The following RAMP3 variants were observed in gnomAD, a reference collection of about 807,000 sequenced individuals.
The protein encoded by RAMP3 is receptor activity-modifying protein 3.
RAMP3 carries 14 observed loss-of-function variants against 13.5 expected under a neutral mutation model. That is an observed-to-expected ratio of 1.04 (90% CI 0.69 to 1.63). The LOEUF is 1.63. Among genes scored for constraint, RAMP3 ranks in the 40% most tolerant of loss-of-function variants. The pLI is 0.00. For missense variants in RAMP3, 200 were observed against 204.8 expected (o/e 0.98, Z 0.14); for synonymous variants, 106 against 88.3 (o/e 1.20, Z -1.12).
chr7:45,158,146 C>T (rs897501482), intron 1 of RAMP3, among the ~76,000 whole-genome samples: 1 of 152,200 alleles, frequency 6.6e-6, no homozygotes, highest in Non-Finnish European at 1.5e-5. Context: ...TCCGGCAGCC[C>T]CCGGTCCTTC....
At position 45,163,750 on chromosome 7, in the gene RAMP3, C is replaced by A. The variant is rs149529288; in HGVS notation, c.58+5864C>A. On this transcript the variant is annotated intron_variant, in intron 1 of 2. Coordinates refer to ENST00000242249, the MANE Select transcript of RAMP3 (RefSeq NM_005856.3). The stretch of plus-strand genomic sequence containing the variant: ...AAGGGCCCTGCTTGGAGTCACACAG[C>A]AAATCAGGAACTAAACAGGATGAGG... The A allele has an allele frequency of 5.6e-4, 552 of 985,018 alleles. 2 individuals are homozygous for A. In the African/African-American group the frequency reaches 9.1e-3, roughly 16 times the overall value. 61.0% of individuals were successfully genotyped at this position (985,018 alleles called of 1,614,324 possible).
intron 1 of RAMP3, chr7:45,163,255 T>C: frequency 1.0e-6 from 1 of 985,408 alleles, no homozygotes; most frequent in Non-Finnish European, 1.2e-6. Flanking sequence ...CCAGAGGAAC[T>C]AGGGATAGAG....
rs1233618465 is a variant in RAMP3 at position 45,183,261 on chromosome 7, A to G, written c.296A>G (p.Gln99Arg). 4.3e-6 allele frequency: 7 copies of G among 1,613,870 alleles called. No individual in the cohort carries two copies. In the African/African-American group the frequency reaches 9.3e-5, roughly 22 times the overall value. ...AQGFITGIHR[Q>R]FFSNCTVDRV... ...GGCTTCATCACCGGCATCCACAGGC[A>G]GTTCTTCTCCAACTGCACCGTGGAC... Residue 99 changes from glutamine to arginine, a missense_variant, in exon 3 of 3, where the codon CAG becomes CGG. Physicochemically the swap from Gln to Arg is conservative, Grantham distance 43. Coordinates refer to ENST00000242249, the MANE Select transcript of RAMP3 (RefSeq NM_005856.3).
At chr7:45,158,271 T>C (rs56751462) in intron 1 of RAMP3, among the ~76,000 whole-genome samples, 1,664 of 152,222 alleles carry the variant, frequency 0.011, 39 homozygotes, top group African/African-American at 0.038. Flanking sequence ...GTCTGTAAGG[T>C]AGTGAGCTCT....
chr7:45,168,591 AT>A (rs1446494997), intron 1 of RAMP3, among the ~76,000 whole-genome samples: 4 of 148,088 alleles, frequency 2.7e-5, no homozygotes, highest in Middle Eastern at 3.4e-3. Context: ...AATACAACTT[AT>A]TTTTTTGTGT....
chr7:45,169,228 T>G (rs1180170044), intron 1 of RAMP3, among the ~76,000 whole-genome samples: 1 of 152,218 alleles, frequency 6.6e-6, no homozygotes, highest in Non-Finnish European at 1.5e-5. Context: ...GCCTATAGAT[T>G]TCTTTTCTTA....
intron 1 of RAMP3, among the ~76,000 whole-genome samples, chr7:45,167,577 T>G (rs2128656178): frequency 6.6e-6 from 1 of 151,868 alleles, no homozygotes; most frequent in East Asian, 1.9e-4. Flanking sequence ...TTTTTTTTAT[T>G]TTTGAGACGG....
intron 1 of RAMP3, among the ~76,000 whole-genome samples, chr7:45,166,726 T>G (rs765959262): frequency 1.2e-4 from 18 of 152,160 alleles, no homozygotes; most frequent in Non-Finnish European, 1.6e-4. Flanking sequence ...ATAAGAAGGC[T>G]TTTTCTCACA....
intron 1 of RAMP3, among the ~76,000 whole-genome samples, chr7:45,174,301 C>T (rs1786137286): frequency 6.6e-6 from 1 of 152,152 alleles, no homozygotes. Context: ...TGACAGGGGC[C>T]TAAGGGCCAG....
At chr7:45,178,585 A>G (rs1786240224) in intron 2 of RAMP3, among the ~76,000 whole-genome samples, 2 of 152,174 alleles carry the variant, frequency 1.3e-5, no homozygotes, top group Admixed American at 1.3e-4. Context: ...TGCTGAACCA[A>G]GTGGAATGGA....
At chr7:45,163,399 C>T (rs529426098) in intron 1 of RAMP3, 175 of 985,320 alleles carry the variant, frequency 1.8e-4, no homozygotes, top group Non-Finnish European at 2.0e-4. Context: ...TAGAGCTGTG[C>T]TACAAGAGAA....
At chr7:45,164,813 C>T (rs181998495) in intron 1 of RAMP3, among the ~76,000 whole-genome samples, 6 of 152,010 alleles carry the variant, frequency 3.9e-5, no homozygotes, top group African/African-American at 1.2e-4. Context: ...GTGTCTTTTC[C>T]CACTCTTTTA....
At chr7:45,181,799 G>A (rs1786320878) in intron 2 of RAMP3, among the ~76,000 whole-genome samples, 1 of 152,204 alleles carries the variant, frequency 6.6e-6, no homozygotes, top group Non-Finnish European at 1.5e-5. Flanking sequence ...TTGTGGCTGA[G>A]GCCCAGGAGA....
At chr7:45,162,310 A>G (rs570874466) in intron 1 of RAMP3, among the ~76,000 whole-genome samples, 10 of 152,370 alleles carry the variant, frequency 6.6e-5, no homozygotes, top group African/African-American at 2.2e-4. Flanking sequence ...TGCAGAGCCC[A>G]GGCTTGACAT....
At position 45,184,050 on chromosome 7, in the gene RAMP3, G is replaced by T; in HGVS notation, c.*638G>T. The T allele has an allele frequency of 2.5e-6, 1 of 404,442 alleles. No homozygotes were observed. The allele number at this position is 404,442 out of a possible 1,614,324, so 25.1% of individuals were successfully genotyped here. A position where few individuals can be genotyped will look rare whatever the true frequency, so the allele number is the denominator to read the frequency against. On this transcript the variant is annotated 3_prime_UTR_variant, in exon 3 of 3. Transcript: ENST00000242249. ...CATCATGATGCTGTGCCCGCTATGG[G>T]CTGTGTCCATGACCAGAGGCTGGAG...
intron 1 of RAMP3, among the ~76,000 whole-genome samples, chr7:45,162,851 C>T (rs1400942462): frequency 6.6e-6 from 1 of 152,168 alleles, no homozygotes; most frequent in African/African-American, 2.4e-5. Flanking sequence ...GAGGTGAGCA[C>T]CTAGAGCCTT....
At position 45,183,217 on chromosome 7, in the gene RAMP3, G is replaced by C; in HGVS notation, c.252G>C (p.Trp84Cys). Residue 84 changes from tryptophan to cysteine, a missense_variant, in exon 3 of 3, where the codon TGG (tryptophan) becomes TGC (cysteine). Transcript: ENST00000242249. ...EMEANVVGCY[W>C]PNPLAQGFIT... ...AGGCCAATGTCGTGGGCTGCTACTG[G>C]CCCAACCCCCTGGCCCAGGGCTTCA... The C allele has an allele frequency of 3.1e-6, 5 of 1,613,546 alleles. 1 individual carries two copies. Among genetic ancestry groups the C allele is most frequent in the East Asian group, 2.2e-5 (1 of 44,850 alleles).
At position 45,183,248 on chromosome 7, in the gene RAMP3, G is replaced by A. The variant is rs141928133; in HGVS notation, c.283G>A (p.Gly95Ser). ...CCCCCTGGCCCAGGGCTTCATCACC[G>A]GCATCCACAGGCAGTTCTTCTCCAA... ...PNPLAQGFITGIHRQFFSNCT... is the reference protein window; with the variant it reads ...PNPLAQGFITSIHRQFFSNCT... The change falls in exon 3 of 3, where the codon GGC becomes AGC. Residue 95 changes from glycine to serine, a missense_variant. Gly to Ser is a moderately conservative substitution (Grantham distance 56, BLOSUM62 0). Transcript: ENST00000242249. 30 of 1,613,756 alleles carry A rather than the reference G, an allele frequency of 1.9e-5. No homozygotes were observed. Among genetic ancestry groups the A allele is most frequent in the South Asian group, 6.6e-5 (6 of 91,090 alleles).
At chr7:45,183,126 A>G (rs768782310) in intron 2 of RAMP3, 31 bp from the exon 3 acceptor site, 4 of 1,602,792 alleles carry the variant, frequency 2.5e-6, no homozygotes, top group Non-Finnish European at 3.4e-6. Context: ...GGATGGCGAG[A>G]GCCTGGCTTT....
Sources: gnomAD v4.1 joint callset for allele counts (sites outside exome capture counted in the v4.1 genomes callset) on GRCh38, gnomAD v4.1.1 for gene constraint, MANE v1.5 for transcripts, NCBI Gene and HGNC (gene_info 2026-07-23, HGNC 2026-07-21) for gene names.